Variants in SEMA5A observed in about 807,000 individuals in gnomAD.
The protein encoded by SEMA5A is semaphorin-5A.
Under a neutral mutation model 135.5 loss-of-function variants are expected in SEMA5A, and 55 were observed. The ratio of observed to expected loss-of-function variants is 0.41; its 90% confidence interval spans 0.33 to 0.51. The LOEUF (loss-of-function observed/expected upper bound fraction) is 0.51. Among genes scored for constraint, SEMA5A ranks in the 20% least tolerant of loss-of-function variants. SEMA5A has a pLI of 0.37. For missense variants in SEMA5A, 1,290 were observed against 1,419.9 expected, an observed-to-expected ratio of 0.91 and a Z score of 1.47; for synonymous variants, 580 against 546.5, an observed-to-expected ratio of 1.06 and a Z score of -0.85.
chr5:9,422,577 C>T (rs764253851), intron 2 of SEMA5A: 21 of 152,116 alleles, frequency 1.4e-4, no homozygotes, highest in African/African-American at 4.3e-4. Flanking sequence ...GGAATGCAGT[C>T]GACCGAGAAC....
chr5:9,425,730 C>T (rs12652372), intron 2 of SEMA5A, among the ~76,000 whole-genome samples: 6,756 of 152,230 alleles, frequency 0.044, 403 homozygotes, highest in East Asian at 0.12. Flanking sequence ...TTTGGAGAAA[C>T]CTATAGCTGC....
intron 1 of SEMA5A, among the ~76,000 whole-genome samples, chr5:9,470,793 C>T (rs1231467107): frequency 1.3e-5 from 2 of 152,200 alleles, no homozygotes; most frequent in Non-Finnish European, 2.9e-5. Flanking sequence ...AAGAGCACCT[C>T]CAGCAAGCCC....
chr5:9,044,637 G>A (rs1352834543), intron 21 of SEMA5A, 53 bp from the exon 22 acceptor site: 4 of 1,428,890 alleles, frequency 2.8e-6, no homozygotes, highest in Non-Finnish European at 3.9e-6. Flanking sequence ...ATCCTGCCTA[G>A]CTACTCAAAG....
intron 12 of SEMA5A, among the ~76,000 whole-genome samples, chr5:9,144,733 A>C (rs903137331): frequency 6.6e-6 from 1 of 152,150 alleles, no homozygotes; most frequent in East Asian, 1.9e-4. Flanking sequence ...AATTATTGCA[A>C]ATCCATGGAC....
chr5:9,069,169 G>C (rs558720354), intron 16 of SEMA5A, among the ~76,000 whole-genome samples: 3 of 152,326 alleles, frequency 2.0e-5, no homozygotes, highest in African/African-American at 7.2e-5. Context: ...TGTTTGTACA[G>C]ACAATTTAAG....
chr5:9,160,776 T>G (rs1487488200), intron 11 of SEMA5A, among the ~76,000 whole-genome samples: 1 of 152,172 alleles, frequency 6.6e-6, no homozygotes, highest in East Asian at 1.9e-4. Flanking sequence ...CTCTACAATC[T>G]GAGTCATTAG....
intron 1 of SEMA5A, among the ~76,000 whole-genome samples, chr5:9,451,195 C>T (rs1561263704): frequency 6.6e-6 from 1 of 152,156 alleles, no homozygotes; most frequent in Non-Finnish European, 1.5e-5. Context: ...CTGCTGCATG[C>T]TAATATAAAA....
At chr5:9,203,714 T>C (rs1328406365) in intron 8 of SEMA5A, among the ~76,000 whole-genome samples, 1 of 152,204 alleles carries the variant, frequency 6.6e-6, no homozygotes, top group Non-Finnish European at 1.5e-5. Context: ...GTACAATACG[T>C]TGTTAAGTCA....
chr5:9,374,101 G>C (rs1217872463), intron 3 of SEMA5A, among the ~76,000 whole-genome samples: 1 of 152,216 alleles, frequency 6.6e-6, no homozygotes, highest in Non-Finnish European at 1.5e-5. Context: ...CATCTGTAAT[G>C]GGTCAGGGTG....
intron 14 of SEMA5A, among the ~76,000 whole-genome samples, chr5:9,121,991 G>T (rs1415636150): frequency 6.6e-6 from 1 of 152,016 alleles, no homozygotes; most frequent in Non-Finnish European, 1.5e-5. Flanking sequence ...GCAAATTAAT[G>T]AACAAGTGAC....
At chr5:9,050,235 C>T (rs1008445369) in intron 21 of SEMA5A, among the ~76,000 whole-genome samples, 175 bp downstream of exon 21, 1 of 152,170 alleles carries the variant, frequency 6.6e-6, no homozygotes, top group Admixed American at 6.5e-5. Context: ...CCGATCGGTA[C>T]ATCAAATATT....
In SEMA5A at chr5:9,202,360, T is replaced by C. The variant is rs1745765097; in HGVS notation, c.647-120A>G. On this transcript the variant is annotated intron_variant, in intron 8 of 22. Transcript: ENST00000382496. ...TTGTTTAGATAACACCTGGTTCCTA[T>C]AGGACTATTGGGAGGCCCCGTGAGC... The C allele has an allele frequency of 2.0e-5, 20 of 1,014,352 alleles. No homozygotes were observed. The South Asian group carries it at 3.1e-4, about 16-fold the overall frequency. The allele number at this position is 1,014,352 out of a possible 1,614,324, so 62.8% of individuals were successfully genotyped here. A position where few individuals can be genotyped will look rare whatever the true frequency, so the allele number is the denominator to read the frequency against.
intron 1 of SEMA5A, among the ~76,000 whole-genome samples, chr5:9,492,931 T>C (rs1735099037): frequency 2.6e-5 from 4 of 152,120 alleles, no homozygotes. Flanking sequence ...TGACGTTCTG[T>C]TGGTGGATGC....
intron 1 of SEMA5A, among the ~76,000 whole-genome samples, chr5:9,449,446 G>A (rs1758554587): frequency 6.6e-6 from 1 of 152,084 alleles, no homozygotes; most frequent in African/African-American, 2.4e-5. Context: ...GCATCAGGAA[G>A]CATAGCTAAT....
At chr5:9,111,828 T>C (rs1424574240) in intron 15 of SEMA5A, among the ~76,000 whole-genome samples, 1 of 152,194 alleles carries the variant, frequency 6.6e-6, no homozygotes, top group African/African-American at 2.4e-5. Flanking sequence ...AGTGTTTTCC[T>C]CTGACCCTCT....
intron 16 of SEMA5A, among the ~76,000 whole-genome samples, chr5:9,080,710 C>T (rs1335691093): frequency 6.6e-6 from 1 of 152,132 alleles, no homozygotes; most frequent in Non-Finnish European, 1.5e-5. Context: ...TGTGTGTCCT[C>T]AGGGTCCACA....
chr5:9,516,110 AC>A, intron 1 of SEMA5A, among the ~76,000 whole-genome samples: 1 of 152,338 alleles, frequency 6.6e-6, no homozygotes, highest in Admixed American at 6.5e-5. Flanking sequence ...TATATAAAGC[AC>A]TGTGCAAGGC....
At chr5:9,511,158 T>C (rs956499324) in intron 1 of SEMA5A, among the ~76,000 whole-genome samples, 3 of 152,234 alleles carry the variant, frequency 2.0e-5, no homozygotes, top group Non-Finnish European at 2.9e-5. Flanking sequence ...TTATAATATA[T>C]TCTTTAACTC....
At chr5:9,384,180 C>A (rs1755730146) in intron 2 of SEMA5A, among the ~76,000 whole-genome samples, 1 of 152,068 alleles carries the variant, frequency 6.6e-6, no homozygotes, top group South Asian at 2.1e-4. Context: ...AAGCAACTTA[C>A]CATGGAAGGC....
Sources: gnomAD v4.1 joint callset for allele counts (sites outside exome capture counted in the v4.1 genomes callset) on GRCh38, gnomAD v4.1.1 for gene constraint, MANE v1.5 for transcripts, NCBI Gene and HGNC (gene_info 2026-07-23, HGNC 2026-07-21) for gene names.